CTTNBP2: variants seen among roughly 807,000 people sequenced by gnomAD.
CTTNBP2 encodes cortactin-binding protein 2.
A neutral mutation model predicts 156.9 loss-of-function variants in CTTNBP2; 108 were observed. The observed-to-expected ratio is 0.69, with a 90% CI of 0.59 to 0.81. CTTNBP2 has a LOEUF of 0.81. CTTNBP2 is among the 30% of genes least tolerant of loss of function. The pLI is 0.00. For missense variants in CTTNBP2, 1,924 were observed against 2,035.4 expected (o/e 0.95, Z 1.05); for synonymous variants, 767 against 751.8 (o/e 1.02, Z -0.33).
chr7:117,769,091 T>C (rs1797674000), intron 8 of CTTNBP2, among the ~76,000 whole-genome samples: 1 of 152,366 alleles, frequency 6.6e-6, no homozygotes, highest in Admixed American at 6.5e-5. Flanking sequence ...GAACATGTTC[T>C]ACGTTAGTCC....
At chr7:117,852,301 A>G (rs1022643509) in intron 2 of CTTNBP2, among the ~76,000 whole-genome samples, 9 of 151,218 alleles carry the variant, frequency 6.0e-5, no homozygotes, top group South Asian at 2.1e-4. Context: ...ACAAAACCAA[A>G]AAAAAAAAAA....
chr7:117,742,179 A>AGCTTAGG, intron 14 of CTTNBP2, among the ~76,000 whole-genome samples: 1 of 152,194 alleles, frequency 6.6e-6, no homozygotes, highest in South Asian at 2.1e-4. Flanking sequence ...AGAAGGGCAG[A>AGCTTAGG]GACTGTGTCT....
chr7:117,765,691 T>C (rs960666082), intron 9 of CTTNBP2, among the ~76,000 whole-genome samples: 21 of 152,262 alleles, frequency 1.4e-4, no homozygotes, highest in African/African-American at 4.6e-4. Context: ...CATTTCCCTC[T>C]CCTCCACCCT....
Position 117,792,870 on chromosome 7 carries a change from T to C in CTTNBP2, c.415-89A>G. 1.0e-6 allele frequency: 1 copy of C among 956,996 alleles called. No individual in the cohort carries two copies. Among genetic ancestry groups the C allele is most frequent in the Non-Finnish European group, 1.4e-6 (1 of 694,280 alleles). The allele number at this position is 956,996 out of a possible 1,614,324, so 59.3% of individuals were successfully genotyped here. On this transcript the variant is annotated intron_variant, in intron 3 of 22. Transcript: ENST00000160373. The surrounding 1 kb of genome is among the most constrained non-coding windows in gnomAD (Gnocchi z 4.2). Reference sequence around the variant, plus strand: ...CTTTTTGTGAGATTTTTATTAATTTTCTAACAATTACATAACTCGGGTTAG... The same window carrying C: ...CTTTTTGTGAGATTTTTATTAATTTCCTAACAATTACATAACTCGGGTTAG...
At chr7:117,821,223 A>G (rs544605396) in intron 2 of CTTNBP2, among the ~76,000 whole-genome samples, 163 of 152,084 alleles carry the variant, frequency 1.1e-3, no homozygotes, top group Non-Finnish European at 2.0e-3. Flanking sequence ...CCATCTTGCA[A>G]TGGCTAGGAT....
Position 117,718,178 on chromosome 7 carries a change from G to T in CTTNBP2, c.4645-59C>A, listed in dbSNP as rs948020024. The T allele has an allele frequency of 3.9e-6, 4 of 1,021,362 alleles. No homozygotes were observed. The African/African-American group carries it at 4.7e-5, about 12-fold the overall frequency. The allele number at this position is 1,021,362 out of a possible 1,614,324, so 63.3% of individuals were successfully genotyped here. A position where few individuals can be genotyped will look rare whatever the true frequency, so the allele number is the denominator to read the frequency against. Reference sequence around the variant, plus strand: ...CACAGTCACACTGTGCATACTCAAGGCACAGCTAAATGGTGGAGAAATCAC... The same window carrying T: ...CACAGTCACACTGTGCATACTCAAGTCACAGCTAAATGGTGGAGAAATCAC... On this transcript the variant is annotated intron_variant, in intron 21 of 22. Coordinates refer to ENST00000160373, the MANE Select transcript of CTTNBP2 (RefSeq NM_033427.3).
intron 2 of CTTNBP2, among the ~76,000 whole-genome samples, chr7:117,840,124 G>C (rs1802185786): frequency 6.6e-6 from 1 of 152,080 alleles, no homozygotes; most frequent in Admixed American, 6.6e-5. Context: ...GTTTTTGAAG[G>C]CTACAAAGTA....
Position 117,792,688 on chromosome 7 carries a change from C to T in CTTNBP2, c.508G>A (p.Val170Met). Residue 170 changes from valine (V) to methionine (M), a missense_variant, in exon 4 of 23, where the codon GTG (valine) becomes ATG (methionine). By Grantham distance (21) the Val-to-Met change is conservative (BLOSUM62 1). Coordinates refer to ENST00000160373, the MANE Select transcript of CTTNBP2 (RefSeq NM_033427.3). The surrounding 1 kb of genome is among the most constrained non-coding windows in gnomAD (Gnocchi z 4.2). ...LEEERGKNKQ[V>M]VLMLVKECKQ... is the part of the protein sequence containing the mutation. The stretch of plus-strand genomic sequence containing the variant: ...CACTCTTTGACCAGCATCAGGACCA[C>T]CTGCTTGTTCTTGCCACGCTCTTCC... The T allele has an allele frequency of 6.2e-7, 1 of 1,613,796 alleles. No individual in the cohort carries two copies. Among genetic ancestry groups the T allele is most frequent in the Admixed American group, 1.7e-5 (1 of 60,012 alleles).
chr7:117,830,507 T>A (rs570891459), intron 2 of CTTNBP2, among the ~76,000 whole-genome samples: 2 of 152,192 alleles, frequency 1.3e-5, no homozygotes, highest in Non-Finnish European at 2.9e-5. Context: ...GCATTCCTAA[T>A]CTTTCCTCCT....
At chr7:117,763,918 T>C (rs1426034960) in intron 9 of CTTNBP2, among the ~76,000 whole-genome samples, 1 of 152,076 alleles carries the variant, frequency 6.6e-6, no homozygotes, top group Non-Finnish European at 1.5e-5. Flanking sequence ...CCCAATCTTC[T>C]TTTAGGGTCA....
intron 4 of CTTNBP2, chr7:117,786,508 T>C: frequency 2.6e-6 from 1 of 384,302 alleles, no homozygotes; most frequent in Non-Finnish European, 5.1e-6. Flanking sequence ...AGAGAAATTA[T>C]AAACACGAAG....
At chr7:117,867,274 T>A (rs1257655164) in intron 1 of CTTNBP2, among the ~76,000 whole-genome samples, 1 of 152,176 alleles carries the variant, frequency 6.6e-6, no homozygotes, top group Non-Finnish European at 1.5e-5. Flanking sequence ...CATTCTCCTC[T>A]GATTCATCTG....
intron 1 of CTTNBP2, among the ~76,000 whole-genome samples, chr7:117,872,781 G>A (rs974056899): frequency 1.3e-5 from 2 of 152,106 alleles, no homozygotes; most frequent in African/African-American, 4.8e-5. Context: ...GCCCACATCT[G>A]GACACGGCCC....
chr7:117,864,177 A>G (rs993263624), intron 1 of CTTNBP2, among the ~76,000 whole-genome samples: 1 of 152,152 alleles, frequency 6.6e-6, no homozygotes, highest in African/African-American at 2.4e-5. Flanking sequence ...TCTATGTATT[A>G]CCATCAATAA....
intron 11 of CTTNBP2, 49 bp from the exon 12 acceptor site, chr7:117,756,683 T>A: frequency 8.5e-7 from 1 of 1,171,466 alleles, no homozygotes; most frequent in Non-Finnish European, 1.3e-6. Context: ...TTGTTAAATA[T>A]AAACGATCAA....
intron 3 of CTTNBP2, among the ~76,000 whole-genome samples, chr7:117,803,475 C>T (rs1417651186): frequency 6.6e-6 from 1 of 152,152 alleles, no homozygotes; most frequent in African/African-American, 2.4e-5. Context: ...CCCCAAAACT[C>T]AGCATCATAC....
chr7:117,768,018 T>C (rs1403068866), intron 8 of CTTNBP2, among the ~76,000 whole-genome samples: 3 of 151,332 alleles, frequency 2.0e-5, no homozygotes, highest in African/African-American at 4.9e-5. Flanking sequence ...AGGAGAAAAA[T>C]GAATAGACCA....
chr7:117,782,785 CG>C, intron 6 of CTTNBP2, 76 bp downstream of exon 6: 1 of 916,722 alleles, frequency 1.1e-6, no homozygotes, highest in Non-Finnish European at 1.7e-6. Context: ...CACATTCAGC[CG>C]GAACTAAAAT....
Position 117,791,247 on chromosome 7 carries a change from G to A in CTTNBP2, c.1949C>T (p.Ala650Val). ...AATGACAAGGGAACTGTCTGAACAT[G>A]CAGGTTGGTTCAGTCCGGGGGTTGC... The part of the protein sequence containing the change: ...PAATPGLNQP[A>V]CSDSSLVIPT... Residue 650 changes from alanine to valine, a missense_variant, in exon 4 of 23, where the codon GCA becomes GTA. By Grantham distance (64) the Ala-to-Val change is moderately conservative (BLOSUM62 0). Transcript: ENST00000160373. The A allele has an allele frequency of 6.2e-7, 1 of 1,614,104 alleles. No individual in the cohort carries two copies. The highest frequency in any genetic ancestry group is 8.5e-7 in the Non-Finnish European group (1 of 1,179,940).
Sources: gnomAD v4.1 joint callset for allele counts (sites outside exome capture counted in the v4.1 genomes callset) on GRCh38, gnomAD v4.1.1 for gene constraint, Gnocchi (gnomAD v3.1) non-coding constraint, MANE v1.5 for transcripts, NCBI Gene and HGNC (gene_info 2026-07-23, HGNC 2026-07-21) for gene names.